Variants in MAF observed in about 807,000 individuals in gnomAD.
MAF encodes the protein MAF bZIP transcription factor, also known as transcription factor Maf.
Under a neutral mutation model 22.0 loss-of-function variants are expected in MAF, and 10 were observed. That is an observed-to-expected ratio of 0.45 (90% confidence interval 0.28 to 0.77). The LOEUF (loss-of-function observed/expected upper bound fraction) is 0.77. Among genes scored for constraint, MAF ranks in the 30% least tolerant of loss-of-function variants. The pLI, the probability that MAF is intolerant of heterozygous loss-of-function variation, is 0.12. For synonymous variants in MAF, 337 were observed against 255.8 expected, an observed-to-expected ratio of 1.32 and a Z score of -3.03; for missense variants, 544 against 548.4, an observed-to-expected ratio of 0.99 and a Z score of 0.08.
the MAF span, among the ~76,000 whole-genome samples, chr16:79,520,261 T>G: frequency 1.3e-5 from 2 of 152,262 alleles, no homozygotes; most frequent in East Asian, 3.9e-4. Flanking sequence ...TTCGAGCCCT[T>G]CTATCCTTCC....
At chr16:79,502,728 T>A in the MAF span, among the ~76,000 whole-genome samples, 32 of 103,290 alleles carry the variant, frequency 3.1e-4, no homozygotes, top group African/African-American at 1.6e-3. Flanking sequence ...TATATATATA[T>A]ATATATATAT....
chr16:79,575,714 C>T, the MAF span, among the ~76,000 whole-genome samples: 3 of 152,216 alleles, frequency 2.0e-5, no homozygotes, highest in East Asian at 3.9e-4. Flanking sequence ...AATGTACCTT[C>T]ATCCCCAATT....
chr16:79,561,860 T>C, the MAF span, among the ~76,000 whole-genome samples: 2 of 152,180 alleles, frequency 1.3e-5, no homozygotes, highest in Non-Finnish European at 2.9e-5. Context: ...CAAGAGTAAC[T>C]ATTTGCCTTC....
the MAF span, chr16:79,212,780 T>TTGTAGATG: frequency 6.6e-6 from 1 of 152,156 alleles, no homozygotes; most frequent in African/African-American, 2.4e-5. Flanking sequence ...AAAGCGCTTC[T>TTGTAGATG]CGTAGATGCC....
chr16:79,386,427 T>G, the MAF span, among the ~76,000 whole-genome samples: 9 of 152,026 alleles, frequency 5.9e-5, no homozygotes, highest in Non-Finnish European at 1.0e-4. Context: ...CCTTTGAGAA[T>G]CTAATGCTGT....
chr16:79,549,667 T>C, the MAF span, among the ~76,000 whole-genome samples: 1 of 152,320 alleles, frequency 6.6e-6, no homozygotes, highest in African/African-American at 2.4e-5. Flanking sequence ...TTCCATTTTG[T>C]CTGTCCGAAG....
At chr16:79,532,746 G>A in the MAF span, among the ~76,000 whole-genome samples, 2 of 152,196 alleles carry the variant, frequency 1.3e-5, no homozygotes, top group Non-Finnish European at 2.9e-5. Context: ...GTGTGTTTGT[G>A]TAGTGCCAGG....
At chr16:79,448,947 A>G in the MAF span, among the ~76,000 whole-genome samples, 1 of 152,174 alleles carries the variant, frequency 6.6e-6, no homozygotes, top group African/African-American at 2.4e-5. Flanking sequence ...TATTTCTGTT[A>G]TGATTACATT....
At chr16:79,350,866 AGT>A in the MAF span, among the ~76,000 whole-genome samples, 16,362 of 148,354 alleles carry the variant, frequency 0.11, 1,020 homozygotes, top group East Asian at 0.21. Context: ...AACAGTGAGA[AGT>A]GTGTGTGTGT....
chr16:79,468,740 G>A, the MAF span, among the ~76,000 whole-genome samples: 1 of 152,148 alleles, frequency 6.6e-6, no homozygotes, highest in Admixed American at 6.5e-5. Context: ...AGAGGAAGGG[G>A]GTGGCTGAGG....
chr16:79,335,545 C>T, the MAF span, among the ~76,000 whole-genome samples: 35 of 152,266 alleles, frequency 2.3e-4, no homozygotes, highest in Middle Eastern at 3.4e-3. Context: ...ATGTTTCAGT[C>T]CAGCTGGACT....
At chr16:79,211,936 G>GA in the MAF span, 3 of 1,538,028 alleles carry the variant, frequency 2.0e-6, no homozygotes, top group African/African-American at 2.7e-5. Context: ...ACAACAGAGT[G>GA]AAAAATCTTA....
the MAF span, among the ~76,000 whole-genome samples, chr16:79,246,106 A>G: frequency 1.3e-5 from 2 of 152,264 alleles, no homozygotes; most frequent in African/African-American, 4.8e-5. Context: ...TACCTAATGT[A>G]GATGACGGGT....
At chr16:79,592,786 CCAAA>C (rs560467789), downstream of MAF, among the ~76,000 whole-genome samples, 2 of 152,222 alleles carry the variant, frequency 1.3e-5, no homozygotes, top group South Asian at 2.1e-4. Context: ...CTAAAAAAAA[CCAAA>C]CAAACAAAAT....
At chr16:79,484,105 C>A in the MAF span, among the ~76,000 whole-genome samples, 1 of 151,988 alleles carries the variant, frequency 6.6e-6, no homozygotes, top group African/African-American at 2.4e-5. Flanking sequence ...TGGCACAGCA[C>A]CCCTTGATGG....
the MAF span, among the ~76,000 whole-genome samples, chr16:79,471,088 G>A: frequency 6.6e-6 from 1 of 152,140 alleles, no homozygotes; most frequent in African/African-American, 2.4e-5. Context: ...CCATCTTTTA[G>A]GTACACATTT....
chr16:79,211,528 A>T, the MAF span: 1 of 1,591,356 alleles, frequency 6.3e-7, no homozygotes, highest in Non-Finnish European at 8.6e-7. Flanking sequence ...AGGCCTGCTA[A>T]TGCCCAGGCA....
the MAF span, among the ~76,000 whole-genome samples, chr16:79,362,217 A>G: frequency 6.6e-6 from 1 of 152,206 alleles, no homozygotes; most frequent in East Asian, 1.9e-4. Context: ...AATGCCTTGA[A>G]CATAGTCAGT....
At chr16:79,493,353 T>G in the MAF span, among the ~76,000 whole-genome samples, 12 of 152,264 alleles carry the variant, frequency 7.9e-5, no homozygotes, top group East Asian at 1.9e-3. Flanking sequence ...AGCTAATTTT[T>G]GTATTTTTAG....
Sources: allele counts gnomAD v4.1 joint callset (sites outside exome capture counted in the v4.1 genomes callset), GRCh38; gene constraint gnomAD v4.1.1; transcripts MANE v1.5; gene names NCBI Gene and HGNC (gene_info 2026-07-23, HGNC 2026-07-21).